Variants in TRAM2 observed in about 807,000 individuals in gnomAD.
TRAM2 encodes the protein translocating chain-associated membrane protein 2.
A neutral mutation model predicts 51.0 loss-of-function variants in TRAM2; 12 were observed. That is an observed-to-expected ratio of 0.24 (90% CI 0.15 to 0.38). The LOEUF is 0.38. Ranked by LOEUF, TRAM2 falls within the 10% of genes least tolerant of loss-of-function variation. The pLI is 1.00. For missense variants in TRAM2, 361 were observed against 462.0 expected (o/e 0.78, Z 2.00); for synonymous variants, 175 against 179.4 (o/e 0.98, Z 0.20).
At position 52,516,617 on chromosome 6, in the gene TRAM2, A is replaced by G. The variant is rs548784842; in HGVS notation, c.294+11T>C. The G allele has an allele frequency of 6.2e-7, 1 of 1,608,266 alleles. No individual in the cohort carries two copies. Among genetic ancestry groups the G allele is most frequent in the African/African-American group, 1.3e-5 (1 of 74,934 alleles). ...CAGCTTCTGATCTCAGAATCCAGAC[A>G]TGTCACTTACATCTAAAATGTACTC... On this transcript the variant is annotated intron_variant, in intron 3 of 10. Transcript: ENST00000182527.
intron 1 of TRAM2, among the ~76,000 whole-genome samples, chr6:52,570,797 C>G (rs1285438669): frequency 8.9e-6 from 1 of 112,932 alleles, no homozygotes; most frequent in East Asian, 4.7e-4. Context: ...TGCCCACCAC[C>G]CCCCCCCCCA....
intron 1 of TRAM2, among the ~76,000 whole-genome samples, chr6:52,550,411 A>G (rs1049662332): frequency 7.2e-5 from 11 of 152,188 alleles, no homozygotes; most frequent in Admixed American, 3.3e-4. Context: ...CTACATAACC[A>G]TTCCTCAATT....
intron 9 of TRAM2, among the ~76,000 whole-genome samples, chr6:52,505,143 T>C (rs1418013740): frequency 1.3e-5 from 2 of 152,220 alleles, no homozygotes; most frequent in Non-Finnish European, 2.9e-5. Context: ...AAGAGTGGCT[T>C]CTCATTTAAC....
intron 1 of TRAM2, among the ~76,000 whole-genome samples, chr6:52,559,368 CCTT>C (rs1767459631): frequency 6.6e-6 from 1 of 152,188 alleles, no homozygotes; most frequent in African/African-American, 2.4e-5. Flanking sequence ...GCCTCCATCT[CCTT>C]CTCTTTAAAA....
At chr6:52,550,026 T>C (rs1282532214) in intron 1 of TRAM2, among the ~76,000 whole-genome samples, 1 of 152,124 alleles carries the variant, frequency 6.6e-6, no homozygotes, top group East Asian at 1.9e-4. Context: ...CATCTGTAAG[T>C]TCTACTGGGC....
chr6:52,562,165 A>T (rs1338929968), intron 1 of TRAM2, among the ~76,000 whole-genome samples: 1 of 152,338 alleles, frequency 6.6e-6, no homozygotes, highest in East Asian at 1.9e-4. Flanking sequence ...GATCCGACAG[A>T]ATGTCAAGTG....
At chr6:52,555,612 A>T (rs1470796931) in intron 1 of TRAM2, among the ~76,000 whole-genome samples, 1 of 152,234 alleles carries the variant, frequency 6.6e-6, no homozygotes, top group African/African-American at 2.4e-5. Flanking sequence ...GCTTTTAAAA[A>T]AACCATAACC....
chr6:52,546,873 A>C (rs1767211582), intron 1 of TRAM2, among the ~76,000 whole-genome samples: 1 of 152,204 alleles, frequency 6.6e-6, no homozygotes, highest in South Asian at 2.1e-4. Flanking sequence ...GCCCGTGACC[A>C]GGTTTTTGTT....
At chr6:52,557,086 A>G (rs947172091) in intron 1 of TRAM2, among the ~76,000 whole-genome samples, 1 of 151,488 alleles carries the variant, frequency 6.6e-6, no homozygotes, top group African/African-American at 2.4e-5. Context: ...CCAACTACTT[A>G]GGAGGCTGAG....
intron 1 of TRAM2, among the ~76,000 whole-genome samples, chr6:52,545,877 C>T (rs1162422538): frequency 6.6e-6 from 1 of 152,136 alleles, no homozygotes; most frequent in African/African-American, 2.4e-5. Flanking sequence ...TGCCCCCACT[C>T]CCACACTCAG....
At chr6:52,550,733 G>GT (rs1767293503) in intron 1 of TRAM2, among the ~76,000 whole-genome samples, 1 of 152,040 alleles carries the variant, frequency 6.6e-6, no homozygotes, top group Admixed American at 6.5e-5. Context: ...TGTACTTTTA[G>GT]TAGAGATGGG....
intron 2 of TRAM2, among the ~76,000 whole-genome samples, chr6:52,525,963 C>T (rs914016407): frequency 3.9e-5 from 6 of 151,946 alleles, no homozygotes; most frequent in African/African-American, 7.3e-5. Context: ...AGGGAGATGA[C>T]GACCATTTAC....
Position 52,506,139 on chromosome 6 carries a change from G to T in TRAM2, c.627-3C>A. On this transcript the variant is annotated splice_region_variant and splice_polypyrimidine_tract_variant and intron_variant, in intron 7 of 10. Transcript: ENST00000182527. ...AGATCAGGCCCAGGCGGCTCAGGCT[G>T]GGGGTGGGGAAGACTAGACTTACAT... is the stretch of plus-strand genomic sequence containing the variant. The T allele has an allele frequency of 1.2e-6, 2 of 1,613,164 alleles. No individual in the cohort carries two copies. The highest frequency in any genetic ancestry group is 1.3e-5 in the African/African-American group (1 of 75,058).
intron 1 of TRAM2, among the ~76,000 whole-genome samples, chr6:52,554,519 C>CAAAA (rs55641649): frequency 4.6e-5 from 5 of 109,034 alleles, no homozygotes; most frequent in East Asian, 2.4e-4. Context: ...GACCCCATCT[C>CAAAA]AAAAAAAAAA....
intron 1 of TRAM2, among the ~76,000 whole-genome samples, chr6:52,553,051 TC>T (rs1767338315): frequency 1.3e-5 from 2 of 152,020 alleles, no homozygotes; most frequent in Non-Finnish European, 2.9e-5. Flanking sequence ...CTTCCTCCCC[TC>T]CCACTATCCA....
At chr6:52,533,749 C>G (rs1318257982) in intron 2 of TRAM2, among the ~76,000 whole-genome samples, 2 of 152,176 alleles carry the variant, frequency 1.3e-5, no homozygotes, top group Non-Finnish European at 2.9e-5. Flanking sequence ...CAGAGCCAGA[C>G]AAGGAAAAGA....
At chr6:52,521,082 G>C (rs1212469600) in intron 2 of TRAM2, among the ~76,000 whole-genome samples, 1 of 149,428 alleles carries the variant, frequency 6.7e-6, no homozygotes, top group African/African-American at 2.5e-5. Flanking sequence ...TTTTTTTTTT[G>C]TATTTTTAGT....
chr6:52,558,130 G>T (rs2114101845), intron 1 of TRAM2, among the ~76,000 whole-genome samples: 1 of 152,274 alleles, frequency 6.6e-6, no homozygotes, highest in Non-Finnish European at 1.5e-5. Context: ...CTCAGCTATA[G>T]AGCACAGCTC....
chr6:52,518,301 G>A (rs971142181), intron 2 of TRAM2, among the ~76,000 whole-genome samples: 2 of 152,198 alleles, frequency 1.3e-5, no homozygotes, highest in African/African-American at 4.8e-5. Context: ...CATCCACAAA[G>A]AATGAAGGGA....
Sources: gnomAD v4.1 joint callset for allele counts (sites outside exome capture counted in the v4.1 genomes callset) on GRCh38, gnomAD v4.1.1 for gene constraint, MANE v1.5 for transcripts, NCBI Gene and HGNC (gene_info 2026-07-23, HGNC 2026-07-21) for gene names.